TMEM273: variants seen among roughly 807,000 people sequenced by gnomAD.
TMEM273 encodes chromosome 10 open reading frame 128.
A neutral mutation model predicts 17.9 loss-of-function variants in TMEM273; 19 were observed. That is an observed-to-expected ratio of 1.06 (90% CI 0.74 to 1.55). TMEM273 has a LOEUF of 1.55. Ranked by LOEUF, TMEM273 falls within the 40% of genes most tolerant of loss-of-function variation. The pLI, the probability that TMEM273 is intolerant of heterozygous loss-of-function variation, is 0.00. For missense variants in TMEM273, 194 were observed against 155.6 expected, an observed-to-expected ratio of 1.25 and a Z score of -1.31; for synonymous variants, 66 against 62.0, an observed-to-expected ratio of 1.07 and a Z score of -0.31.
At chr10:49,184,936 AC>A (rs1254594013) in intron 1 of TMEM273, among the ~76,000 whole-genome samples, 1 of 152,174 alleles carries the variant, frequency 6.6e-6, no homozygotes, top group African/African-American at 2.4e-5. Flanking sequence ...AATGCATTTG[AC>A]CCATATTATC....
At chr10:49,163,305 G>C (rs1366535832) in intron 5 of TMEM273, among the ~76,000 whole-genome samples, 1 of 84,966 alleles carries the variant, frequency 1.2e-5, no homozygotes, top group African/African-American at 3.6e-5. Context: ...GTGTGTGTGT[G>C]TGAGAGAGAG....
At chr10:49,179,122 C>G (rs1280144620) in intron 1 of TMEM273, among the ~76,000 whole-genome samples, 1 of 152,226 alleles carries the variant, frequency 6.6e-6, no homozygotes, top group Admixed American at 6.5e-5. Flanking sequence ...CACTAAGAAC[C>G]ATTATCCAGT....
At chr10:49,176,719 G>A (rs1203938651) in intron 1 of TMEM273, among the ~76,000 whole-genome samples, 2 of 152,144 alleles carry the variant, frequency 1.3e-5, no homozygotes, top group Non-Finnish European at 2.9e-5. Flanking sequence ...CCATGGGAAA[G>A]GGGTCATGAT....
intron 1 of TMEM273, among the ~76,000 whole-genome samples, chr10:49,176,398 A>G (rs1846971313): frequency 6.6e-6 from 1 of 152,212 alleles, no homozygotes; most frequent in Non-Finnish European, 1.5e-5. Flanking sequence ...CCCAGTGAAG[A>G]GGGGCCTGGC....
chr10:49,166,885 C>A lies in TMEM273; in HGVS notation c.222G>T (p.Thr74=). The change falls in exon 3 of 7, where the codon ACG becomes ACT. Residue 74 remains threonine, a synonymous_variant. Transcript: ENST00000374153. The part of the protein sequence containing the change: ...FDDDSSDLKS[T]PGGLSDTIPL... ...ATCCCTCACCACTGAGGCCCCCAGG[C>A]GTGCTTTTCAGGTCGGAAGAGTCGT... is the stretch of plus-strand genomic sequence containing the variant. 1.2e-6 allele frequency: 2 copies of A among 1,613,744 alleles called. No individual in the cohort carries two copies. Among genetic ancestry groups the A allele is most frequent in the Non-Finnish European group, 1.7e-6 (2 of 1,179,960 alleles).
At chr10:49,156,385 G>A in intron 6 of TMEM273, 2 of 830,220 alleles carry the variant, frequency 2.4e-6, no homozygotes, top group Non-Finnish European at 3.3e-6. Context: ...TTGATGAAAG[G>A]GAAGGGCAGC....
In TMEM273 at chr10:49,185,262, C is replaced by G. The variant is rs146169456; in HGVS notation, c.43+3032G>C. Among the ~76,000 whole-genome samples the G allele has an allele frequency of 2.9e-3, 435 of 152,270 alleles. 3 individuals carry two copies. The highest frequency in any genetic ancestry group is 1.0e-2 in the African/African-American group (414 of 41,560). ...TGTTTGAAAATATTTAAAGAATATT[C>G]AAATACTGTTTCTTTAAAAACTTTC... On this transcript the variant is annotated intron_variant, in intron 1 of 6. Coordinates refer to ENST00000374153, the MANE Select transcript of TMEM273 (RefSeq NM_001288740.3).
At chr10:49,175,309 T>C (rs1402059751) in intron 1 of TMEM273, among the ~76,000 whole-genome samples, 3 of 151,700 alleles carry the variant, frequency 2.0e-5, no homozygotes, top group African/African-American at 7.3e-5. Context: ...GAGGTGGGAG[T>C]GCTTGGCCAC....
At chr10:49,187,819 A>G (rs1228728813) in intron 1 of TMEM273, among the ~76,000 whole-genome samples, 1 of 152,250 alleles carries the variant, frequency 6.6e-6, no homozygotes, top group East Asian at 1.9e-4. Context: ...TCACTGCATG[A>G]GAATTCTGAT....
At chr10:49,183,742 G>A (rs1220634213) in intron 1 of TMEM273, among the ~76,000 whole-genome samples, 2 of 152,164 alleles carry the variant, frequency 1.3e-5, no homozygotes, top group African/African-American at 4.8e-5. Flanking sequence ...TCTGCCTTGG[G>A]GCTGAGAAAT....
chr10:49,188,194 A>G (rs1847839803), intron 1 of TMEM273, 100 bp downstream of exon 1: 2 of 1,284,702 alleles, frequency 1.6e-6, no homozygotes, highest in Non-Finnish European at 1.1e-6. Flanking sequence ...AAAGGGACAG[A>G]GTTATGTTTT....
At chr10:49,176,168 T>C (rs1360564971) in intron 1 of TMEM273, among the ~76,000 whole-genome samples, 1 of 152,014 alleles carries the variant, frequency 6.6e-6, no homozygotes, top group Admixed American at 6.5e-5. Context: ...CAGAGTGAGG[T>C]GCAGGCAGCA....
chr10:49,169,339 C>T (rs557080223), intron 1 of TMEM273, among the ~76,000 whole-genome samples: 1 of 152,330 alleles, frequency 6.6e-6, no homozygotes, highest in South Asian at 2.1e-4. Context: ...CATCCTCCAC[C>T]CAACCCTGTC....
intron 1 of TMEM273, among the ~76,000 whole-genome samples, chr10:49,185,390 C>T (rs1017100194): frequency 6.6e-6 from 1 of 151,940 alleles, no homozygotes; most frequent in Non-Finnish European, 1.5e-5. Context: ...ACAGAGAGTG[C>T]CCCCATAGCC....
At chr10:49,186,107 AGAG>A (rs753142135) in intron 1 of TMEM273, among the ~76,000 whole-genome samples, 11,323 of 143,658 alleles carry the variant, frequency 0.079, 611 homozygotes, top group African/African-American at 0.099. Context: ...AAGAAGAAGA[AGAG>A]GAAGAAGAAG....
chr10:49,172,197 G>A (rs1846619123), intron 1 of TMEM273, among the ~76,000 whole-genome samples: 1 of 152,248 alleles, frequency 6.6e-6, no homozygotes, highest in East Asian at 1.9e-4. Context: ...TCCTAACAGG[G>A]CTCACACATG....
intron 5 of TMEM273, among the ~76,000 whole-genome samples, chr10:49,162,341 C>T (rs1845897674): frequency 1.3e-5 from 2 of 152,118 alleles, no homozygotes; most frequent in South Asian, 4.2e-4. Context: ...CACATATAGA[C>T]AGGCAATACA....
intron 1 of TMEM273, among the ~76,000 whole-genome samples, chr10:49,168,368 C>T (rs898559662): frequency 6.6e-6 from 1 of 152,200 alleles, no homozygotes; most frequent in African/African-American, 2.4e-5. Context: ...TCCCTTCCTC[C>T]TTTACCTGGT....
At chr10:49,174,979 G>C (rs931799124) in intron 1 of TMEM273, among the ~76,000 whole-genome samples, 2 of 152,022 alleles carry the variant, frequency 1.3e-5, no homozygotes, top group African/African-American at 4.8e-5. Context: ...ACCCAGCCTG[G>C]GAGTGTCACA....
Sources: allele counts gnomAD v4.1 joint callset (sites outside exome capture counted in the v4.1 genomes callset), GRCh38; gene constraint gnomAD v4.1.1; transcripts MANE v1.5; gene names NCBI Gene and HGNC (gene_info 2026-07-23, HGNC 2026-07-21).